PDE3A: variants seen among roughly 807,000 people sequenced by gnomAD.
The protein encoded by PDE3A is cGMP-inhibited 3',5'-cyclic phosphodiesterase 3A.
A neutral mutation model predicts 98.3 loss-of-function variants in PDE3A; 43 were observed. That is an observed-to-expected ratio of 0.44 (90% confidence interval 0.34 to 0.56). The LOEUF is 0.56. Among genes scored for constraint, PDE3A ranks in the 20% least tolerant of loss-of-function variants. The pLI is 0.01. For missense variants in PDE3A, 1,427 were observed against 1,440.7 expected, an observed-to-expected ratio of 0.99 and a Z score of 0.15; for synonymous variants, 663 against 567.9, an observed-to-expected ratio of 1.17 and a Z score of -2.38.
At chr12:20,596,031 A>G (rs1943458542) in intron 2 of PDE3A, among the ~76,000 whole-genome samples, 1 of 152,136 alleles carries the variant, frequency 6.6e-6, no homozygotes, top group Non-Finnish European at 1.5e-5. Context: ...ATTTTAAAAG[A>G]TTATTTTTGA....
intron 15 of PDE3A, among the ~76,000 whole-genome samples, chr12:20,669,569 C>T (rs906172445): frequency 6.6e-5 from 10 of 151,984 alleles, no homozygotes; most frequent in South Asian, 2.1e-4. Context: ...AAAAGAATTT[C>T]CAACCCAGAA....
intron 2 of PDE3A, among the ~76,000 whole-genome samples, chr12:20,579,908 A>G (rs7312431): frequency 0.72 from 109,497 of 152,046 alleles, 39,498 homozygotes; most frequent in Middle Eastern, 0.79. Context: ...GTGGGAATGA[A>G]CTCTCACAGA....
At chr12:20,497,572 CA>C (rs1243084258) in intron 1 of PDE3A, among the ~76,000 whole-genome samples, 1 of 148,656 alleles carries the variant, frequency 6.7e-6, no homozygotes, top group Non-Finnish European at 1.5e-5. Flanking sequence ...TAATTCTAAC[CA>C]AAATAATAGT....
In PDE3A at chr12:20,488,879, C is replaced by CAAA. The variant is rs5796863; in HGVS notation, c.961-67767_961-67765dup. ...CTGGGCAAGAGTGAGTCCCTGTCTC[C>CAAA]AAAAAAAAAAAAAAAAGAGAAAAAG... On this transcript the variant is annotated intron_variant, in intron 1 of 15. Coordinates refer to ENST00000359062, the MANE Select transcript of PDE3A (RefSeq NM_000921.5). Among the ~76,000 whole-genome samples the CAAA allele has an allele frequency of 4.4e-3, 529 of 118,936 alleles. 4 individuals carry two copies. The highest frequency in any genetic ancestry group is 0.015 in the African/African-American group (449 of 29,750). 78.0% of individuals were successfully genotyped at this position (118,936 alleles called of 152,430 possible). A position where few individuals can be genotyped will look rare whatever the true frequency, so the allele number is the denominator to read the frequency against.
chr12:20,618,860 A>G (rs1241112500), intron 4 of PDE3A, among the ~76,000 whole-genome samples: 1 of 152,076 alleles, frequency 6.6e-6, no homozygotes, highest in Non-Finnish European at 1.5e-5. Flanking sequence ...AGAGACTGTT[A>G]CCTGATCAGA....
rs1256574020 is a variant in PDE3A at position 20,634,918 on chromosome 12, T to A, written c.1863T>A (p.Val621=). The A allele has an allele frequency of 8.7e-6, 14 of 1,609,462 alleles. No individual in the cohort carries two copies. The highest frequency in any genetic ancestry group is 1.2e-5 in the Non-Finnish European group (14 of 1,175,794). Residue 621 remains valine, a synonymous_variant, in exon 8 of 16, where the codon GTT becomes GTA. Coordinates refer to ENST00000359062, the MANE Select transcript of PDE3A (RefSeq NM_000921.5). ...TPSRTDDTAQ[V]TSDYETNNNS... is the part of the protein sequence containing the mutation. ...TAATTGTAGATGACACTGCTCAAGT[T>A]ACCTCTGATTATGAAACCAATAACA...
intron 1 of PDE3A, among the ~76,000 whole-genome samples, chr12:20,532,213 CA>C (rs1941618330): frequency 6.6e-6 from 1 of 151,572 alleles, no homozygotes; most frequent in Admixed American, 6.6e-5. Context: ...ATAGGTAAGA[CA>C]AAAAAAGGCA....
Position 20,629,925 on chromosome 12 carries a change from T to A in PDE3A, c.1558T>A (p.Ser520Thr), listed in dbSNP as rs775018801. ...QSRPGALAKISPLSSPCSSPL... is the reference protein window; with the variant it reads ...QSRPGALAKITPLSSPCSSPL... ...TTTCTCAGGTGCCCTCGCTAAAATT[T>A]CACCTCTTTCATCGCCCTGCTCCTC... Residue 520 changes from serine (S) to threonine (T), a missense_variant, in exon 6 of 16, where the codon TCA becomes ACA. By Grantham distance (58) the Ser-to-Thr change is moderately conservative. Transcript: ENST00000359062. 8 of 1,613,834 alleles carry A rather than the reference T, an allele frequency of 5.0e-6. No homozygotes were observed. Among genetic ancestry groups the A allele is most frequent in the Non-Finnish European group, 6.8e-6 (8 of 1,179,768 alleles).
Position 20,431,625 on chromosome 12 carries a change from A to ACG in PDE3A, c.960+61382_960+61383insGC, listed in dbSNP as rs566282840. Among the ~76,000 whole-genome samples the ACG allele has an allele frequency of 4.3e-3, 616 of 144,920 alleles. 3 individuals carry two copies. Among genetic ancestry groups the ACG allele is most frequent in the African/African-American group, 0.015 (593 of 40,172 alleles). On this transcript the variant is annotated intron_variant, in intron 1 of 15. Transcript: ENST00000359062. ...CACACACACACACACACACACACGC[A>ACG]CACACACGCACGCACAAATGCATGC...
intron 1 of PDE3A, among the ~76,000 whole-genome samples, chr12:20,443,838 T>C (rs1944909026): frequency 6.6e-6 from 1 of 152,196 alleles, no homozygotes; most frequent in South Asian, 2.1e-4. Context: ...TCAGAAGATT[T>C]GCCAAAGTGT....
At chr12:20,504,910 T>C (rs769429831) in intron 1 of PDE3A, among the ~76,000 whole-genome samples, 1 of 152,098 alleles carries the variant, frequency 6.6e-6, no homozygotes, top group African/African-American at 2.4e-5. Flanking sequence ...CGATAACTTA[T>C]TCACAAATTC....
At chr12:20,671,198 C>A (rs1408743834) in intron 15 of PDE3A, among the ~76,000 whole-genome samples, 1 of 147,766 alleles carries the variant, frequency 6.8e-6, no homozygotes, top group Non-Finnish European at 1.5e-5. Context: ...GAAATTGTGG[C>A]AATAATCAAT....
chr12:20,519,746 G>A (rs1319349133), intron 1 of PDE3A, among the ~76,000 whole-genome samples: 2 of 152,214 alleles, frequency 1.3e-5, no homozygotes, highest in East Asian at 3.9e-4. Context: ...ATTTTTGTTT[G>A]GTTGATTGAT....
At chr12:20,502,617 A>G (rs1946043883) in intron 1 of PDE3A, among the ~76,000 whole-genome samples, 1 of 152,164 alleles carries the variant, frequency 6.6e-6, no homozygotes, top group Non-Finnish European at 1.5e-5. Context: ...GTATTTGTCT[A>G]TGGAATACAT....
chr12:20,581,515 T>C (rs549330981), intron 2 of PDE3A, among the ~76,000 whole-genome samples: 2 of 152,326 alleles, frequency 1.3e-5, no homozygotes, highest in Non-Finnish European at 2.9e-5. Flanking sequence ...ACCAGTTGAA[T>C]ACATCCATAG....
intron 12 of PDE3A, 52 bp from the exon 13 acceptor site, chr12:20,648,636 T>C: frequency 8.8e-7 from 1 of 1,139,580 alleles, no homozygotes; most frequent in Non-Finnish European, 1.3e-6. Context: ...TCTCATGATT[T>C]TTGTGATTAT....
rs555954464 is a variant in PDE3A, at chr12:20,669,175, G to A, written c.3185-10855G>A. Among the ~76,000 whole-genome samples, 369 of 152,066 alleles carry A rather than the reference G, an allele frequency of 2.4e-3. 1 individual carries two copies. The highest frequency in any genetic ancestry group is 3.7e-3 in the Non-Finnish European group (253 of 67,910). The stretch of plus-strand genomic sequence containing the variant: ...AAAAGAATAAAAAGAAACGAGCAAA[G>A]CCTCCAAGAAATATGGGACTATGTG... On this transcript the variant is annotated intron_variant, in intron 15 of 15. Transcript: ENST00000359062.
chr12:20,556,739 G>C, intron 2 of PDE3A, 29 bp downstream of exon 2: 2 of 1,553,066 alleles, frequency 1.3e-6, no homozygotes, highest in Non-Finnish European at 1.8e-6. Context: ...TCTTTTTCAC[G>C]TTTCGTTTCG....
At chr12:20,440,344 A>T (rs954484932) in intron 1 of PDE3A, among the ~76,000 whole-genome samples, 1 of 152,182 alleles carries the variant, frequency 6.6e-6, no homozygotes, top group Non-Finnish European at 1.5e-5. Context: ...GGGACTGAGT[A>T]TAGTGAAAAG....
Sources: allele counts gnomAD v4.1 joint callset (sites outside exome capture counted in the v4.1 genomes callset), GRCh38; gene constraint gnomAD v4.1.1; transcripts MANE v1.5; gene names NCBI Gene and HGNC (gene_info 2026-07-23, HGNC 2026-07-21).